SLC40A1: variants seen among roughly 807,000 people sequenced by gnomAD.
SLC40A1 encodes solute carrier family 40 member 1.
SLC40A1 carries 16 observed loss-of-function variants against 53.5 expected under a neutral mutation model. That is an observed-to-expected ratio of 0.30 (90% CI 0.20 to 0.45). SLC40A1 has a LOEUF of 0.45. Ranked by LOEUF, SLC40A1 falls within the 20% of genes least tolerant of loss-of-function variation. The pLI is 1.00. For missense variants in SLC40A1, 545 were observed against 695.4 expected, an observed-to-expected ratio of 0.78 and a Z score of 2.43; for synonymous variants, 247 against 253.2, an observed-to-expected ratio of 0.98 and a Z score of 0.23.
intron 5 of SLC40A1, among the ~76,000 whole-genome samples, chr2:189,570,695 T>C (rs917867517): frequency 3.3e-5 from 5 of 152,218 alleles, no homozygotes; most frequent in African/African-American, 7.2e-5. Flanking sequence ...ATTCTTCTTC[T>C]AGACCTTCCA....
At chr2:189,568,405 C>A (rs979016056) in intron 5 of SLC40A1, among the ~76,000 whole-genome samples, 3 of 151,970 alleles carry the variant, frequency 2.0e-5, no homozygotes, top group Non-Finnish European at 4.4e-5. Context: ...AGGAGAATGG[C>A]GTGAACCCAG....
intron 5 of SLC40A1, 48 bp from the exon 6 acceptor site, chr2:189,565,647 G>T: frequency 6.2e-7 from 1 of 1,612,110 alleles, no homozygotes; most frequent in Non-Finnish European, 8.5e-7. Context: ...ACCCATCAAA[G>T]AGAGACTGCC....
intron 5 of SLC40A1, among the ~76,000 whole-genome samples, chr2:189,566,235 C>G (rs1173301756): frequency 6.6e-6 from 1 of 152,134 alleles, no homozygotes; most frequent in African/African-American, 2.4e-5. Flanking sequence ...CTAGCTTGGT[C>G]ACAAGAGAGA....
chr2:189,580,351 G>A, intron 1 of SLC40A1, 67 bp downstream of exon 1: 2 of 1,486,308 alleles, frequency 1.3e-6, no homozygotes, highest in South Asian at 1.1e-5. Context: ...CAGAACTCGT[G>A]TAGAGTTGCT....
intron 3 of SLC40A1, among the ~76,000 whole-genome samples, chr2:189,574,906 C>T (rs919763437): frequency 6.6e-6 from 1 of 152,160 alleles, no homozygotes. Flanking sequence ...CAAGGTTAAT[C>T]ATTAACATAT....
chr2:189,568,411 C>T (rs1271751904), intron 5 of SLC40A1, among the ~76,000 whole-genome samples: 1 of 152,152 alleles, frequency 6.6e-6, no homozygotes, highest in African/African-American at 2.4e-5. Context: ...ATGGCGTGAA[C>T]CCAGGAGGCG....
intron 5 of SLC40A1, 89 bp downstream of exon 5, chr2:189,571,626 A>C (rs1221254908): frequency 1.2e-5 from 18 of 1,549,472 alleles, no homozygotes; most frequent in Non-Finnish European, 1.6e-5. Flanking sequence ...ACCCAGAACA[A>C]AAATACAAGG....
Position 189,563,680 on chromosome 2 carries a change from A to T in SLC40A1, c.1306T>A (p.Ser436Thr). The change falls in exon 7 of 8, where the codon TCT (serine) becomes ACT (threonine). Residue 436 changes from serine to threonine, a missense_variant. Coordinates refer to ENST00000261024, the MANE Select transcript of SLC40A1 (RefSeq NM_014585.6). ...TCCGGGACAATATTAGCAGAATTAG[A>T]CCCATTAGACATGTATATTTCAGTT... ...ITTEIYMSNGSNSANIVPETS... is the reference protein window; with the variant it reads ...ITTEIYMSNGTNSANIVPETS... 1 of 1,614,088 alleles carries T rather than the reference A, an allele frequency of 6.2e-7. No homozygotes were observed. The highest frequency in any genetic ancestry group is 8.5e-7 in the Non-Finnish European group (1 of 1,179,912).
Position 189,580,765 on chromosome 2 carries a change from T to G in SLC40A1, c.-305A>C, listed in dbSNP as rs1314503515. 4.9e-6 allele frequency: 6 copies of G among 1,229,200 alleles called. No homozygotes were observed. Among genetic ancestry groups the G allele is most frequent in the South Asian group, 1.6e-5 (1 of 63,060 alleles). The allele number at this position is 1,229,200 out of a possible 1,614,324, so 76.1% of individuals were successfully genotyped here. On this transcript the variant is annotated 5_prime_UTR_variant, in exon 1 of 8. Transcript: ENST00000261024. Reference sequence around the variant, plus strand: ...AGCCTAGCGGACGCCCTGAGCCAGCTCTCTCCGCCGCCGCCGCCGCCGCCG... The same window carrying G: ...AGCCTAGCGGACGCCCTGAGCCAGCGCTCTCCGCCGCCGCCGCCGCCGCCG...
chr2:189,565,000 T>TCC (rs1351232529), intron 6 of SLC40A1, among the ~76,000 whole-genome samples: 1 of 152,174 alleles, frequency 6.6e-6, no homozygotes, highest in African/African-American at 2.4e-5. Flanking sequence ...CATAACTCCC[T>TCC]CCTCACAGAG....
intron 5 of SLC40A1, among the ~76,000 whole-genome samples, chr2:189,571,057 G>A (rs2031110115): frequency 6.6e-6 from 1 of 152,102 alleles, no homozygotes; most frequent in Non-Finnish European, 1.5e-5. Flanking sequence ...AGGTTATTCT[G>A]AGCCTAAGTA....
chr2:189,568,528 T>C (rs755223922), intron 5 of SLC40A1, among the ~76,000 whole-genome samples: 3 of 152,150 alleles, frequency 2.0e-5, no homozygotes, highest in Non-Finnish European at 4.4e-5. Context: ...GGTAGCAGGC[T>C]AGAAAAGAAT....
chr2:189,570,313 C>A (rs2031087111), intron 5 of SLC40A1, among the ~76,000 whole-genome samples: 1 of 152,036 alleles, frequency 6.6e-6, no homozygotes, highest in African/African-American at 2.4e-5. Context: ...ACTTTCTTCT[C>A]TAAGTATATT....
In SLC40A1 at chr2:189,563,829, A is replaced by C; in HGVS notation, c.1157T>G (p.Leu386Trp). 1 of 1,614,238 alleles carries C rather than the reference A, an allele frequency of 6.2e-7. No homozygotes were observed. The change falls in exon 7 of 8, where the codon TTG (leucine) becomes TGG (tryptophan). Residue 386 changes from leucine to tryptophan, a missense_variant. Leu to Trp is a moderately conservative substitution (Grantham distance 61, BLOSUM62 -2). Coordinates refer to ENST00000261024, the MANE Select transcript of SLC40A1 (RefSeq NM_014585.6). ...AGGCATGAATACAGAGATCACACAC[A>C]AGATCAAACAGGAAAGCTGTGCCAA... ...SGLAQLSCLILCVISVFMPGS... is the reference protein window; with the variant it reads ...SGLAQLSCLIWCVISVFMPGS...
chr2:189,575,146 T>TTA lies in SLC40A1; in HGVS notation c.271+14_271+15insTA. On this transcript the variant is annotated intron_variant, in intron 3 of 7. Coordinates refer to ENST00000261024, the MANE Select transcript of SLC40A1 (RefSeq NM_014585.6). The stretch of plus-strand genomic sequence containing the variant: ...TCCCATGAATAAAAGGGCTTAATTA[T>TTA]ATAACAACACTCACCTTTAAGTCTA... The TTA allele has an allele frequency of 6.2e-7, 1 of 1,613,884 alleles. No homozygotes were observed. The highest frequency in any genetic ancestry group is 8.5e-7 in the Non-Finnish European group (1 of 1,179,796).
intron 2 of SLC40A1, among the ~76,000 whole-genome samples, chr2:189,578,008 C>T (rs2031343395): frequency 6.6e-6 from 1 of 152,142 alleles, no homozygotes; most frequent in Non-Finnish European, 1.5e-5. Context: ...AAAAGGCATT[C>T]AACCCCACAC....
At chr2:189,578,852 A>G (rs1196176324) in intron 2 of SLC40A1, among the ~76,000 whole-genome samples, 1 of 152,198 alleles carries the variant, frequency 6.6e-6, no homozygotes, top group Non-Finnish European at 1.5e-5. Flanking sequence ...ACAATTTCTC[A>G]AAGGTATTGG....
At position 189,579,865 on chromosome 2, in the gene SLC40A1, T is replaced by G; in HGVS notation, c.59A>C (p.Tyr20Ser). The change falls in exon 2 of 8, where the codon TAC (tyrosine) becomes TCC (serine). Residue 20 changes from tyrosine (Y) to serine (S), a missense_variant. Tyr to Ser is a moderately radical substitution (Grantham distance 144). Coordinates refer to ENST00000261024, the MANE Select transcript of SLC40A1 (RefSeq NM_014585.6). ...GAGAAGGAATTTTGCAGAGGTCAGG[T>G]AGTCGGCCAAGGATCCTGCAAAGAC... is the stretch of plus-strand genomic sequence containing the variant. ...QRGCCGSLAD[Y>S]LTSAKFLLYL... The G allele has an allele frequency of 6.2e-7, 1 of 1,614,144 alleles. No individual in the cohort carries two copies. The highest frequency in any genetic ancestry group is 1.3e-5 in the African/African-American group (1 of 75,032).
At chr2:189,569,009 C>T (rs569104440) in intron 5 of SLC40A1, among the ~76,000 whole-genome samples, 2 of 152,316 alleles carry the variant, frequency 1.3e-5, no homozygotes, top group South Asian at 2.1e-4. Context: ...AAATCAAGCA[C>T]CTAGAAAGTA....
Sources: gnomAD v4.1 joint callset for allele counts (sites outside exome capture counted in the v4.1 genomes callset) on GRCh38, gnomAD v4.1.1 for gene constraint, MANE v1.5 for transcripts, NCBI Gene and HGNC (gene_info 2026-07-23, HGNC 2026-07-21) for gene names.